ASXL2: variants seen among roughly 807,000 people sequenced by gnomAD.
ASXL2 encodes the protein putative Polycomb group protein ASXL2.
A neutral mutation model predicts 122.0 loss-of-function variants in ASXL2; 23 were observed. That is an observed-to-expected ratio of 0.19 (90% CI 0.14 to 0.27). The LOEUF is 0.27. Among genes scored for constraint, ASXL2 ranks in the 10% least tolerant of loss-of-function variants. The probability of loss-of-function intolerance (pLI) is 1.00; values close to 1 mark genes in which losing one functional copy is unlikely to be tolerated. For synonymous variants in ASXL2, 650 were observed against 637.0 expected, an observed-to-expected ratio of 1.02 and a Z score of -0.31; for missense variants, 1,518 against 1,713.8, an observed-to-expected ratio of 0.89 and a Z score of 2.02.
chr2:25,759,431 A>G, intron 9 of ASXL2, 51 bp downstream of exon 9: 1 of 1,554,074 alleles, frequency 6.4e-7, no homozygotes, highest in Non-Finnish European at 8.8e-7. Flanking sequence ...ACCACTTTAC[A>G]AGTATACATA....
At chr2:25,873,857 T>C (rs1358548984) in intron 1 of ASXL2, among the ~76,000 whole-genome samples, 1 of 152,106 alleles carries the variant, frequency 6.6e-6, no homozygotes, top group Non-Finnish European at 1.5e-5. Flanking sequence ...CACACACTTG[T>C]CCTTTTGGGA....
In ASXL2 at chr2:25,835,770, TAAACTACTTCAGA is replaced by T. The variant is rs144875368; in HGVS notation, c.141-243_141-231del. Among the ~76,000 whole-genome samples the T allele has an allele frequency of 2.0e-4, 30 of 152,328 alleles. 1 individual carries two copies. The East Asian group carries it at 5.8e-3, about 29-fold the overall frequency. On this transcript the variant is annotated intron_variant, in intron 2 of 12. Transcript: ENST00000435504. ...GATAAACAAATTTAGCTAAACAGTC[TAAACTACTTCAGA>T]AAACAGTTGCAGTAATTTGATTATG...
intron 3 of ASXL2, among the ~76,000 whole-genome samples, chr2:25,808,019 ACACT>A (rs1243645774): frequency 3.1e-4 from 47 of 149,588 alleles, no homozygotes; most frequent in Non-Finnish European, 4.9e-4. Context: ...ACACACACAC[ACACT>A]CTCCACCCCA....
chr2:25,838,113 A>G (rs1021006494), intron 2 of ASXL2, among the ~76,000 whole-genome samples: 6 of 152,306 alleles, frequency 3.9e-5, no homozygotes, highest in African/African-American at 1.4e-4. Context: ...AGAAAGAAAA[A>G]GAAAGAAGTT....
chr2:25,787,502 T>C (rs974964665), intron 5 of ASXL2, among the ~76,000 whole-genome samples: 25 of 152,344 alleles, frequency 1.6e-4, no homozygotes, highest in African/African-American at 5.3e-4. Context: ...TCTTGTTTCT[T>C]CTGTTAAAAT....
At position 25,743,968 on chromosome 2, in the gene ASXL2, G is replaced by C; in HGVS notation, c.2369C>G (p.Thr790Arg). Residue 790 changes from threonine to arginine, a missense_variant, in exon 13 of 13, where the codon ACA (threonine) becomes AGA (arginine). Around this residue, in one of 8 missense-constraint regions of ASXL2, gnomAD observed 831 missense variants for 833.1 expected, o/e 1.00. Transcript: ENST00000435504. ...TATGTGGGCTGGTGATGGGACACTT[G>C]TGCATGCTCCACTGACGGCAGGTGT... is the stretch of plus-strand genomic sequence containing the variant. Reference protein sequence around the residue: ...PPTPAVSGACTSVPSPAHIEK... With the variant: ...PPTPAVSGACRSVPSPAHIEK... 1 of 1,614,006 alleles carries C rather than the reference G, an allele frequency of 6.2e-7. No individual in the cohort carries two copies. The highest frequency in any genetic ancestry group is 8.5e-7 in the Non-Finnish European group (1 of 1,179,892).
intron 2 of ASXL2, among the ~76,000 whole-genome samples, chr2:25,844,951 A>G (rs1409859126): frequency 6.6e-6 from 1 of 152,148 alleles, no homozygotes; most frequent in East Asian, 1.9e-4. Flanking sequence ...ATTGTAATAT[A>G]ATAAGGTTCT....
chr2:25,806,202 T>G (rs758909732), intron 4 of ASXL2, 27 bp downstream of exon 4: 6 of 1,476,876 alleles, frequency 4.1e-6, no homozygotes, highest in Non-Finnish European at 5.6e-6. Context: ...TTTTTCTTTC[T>G]AAATGACTCC....
At chr2:25,747,761 A>G (rs1398988475) in intron 12 of ASXL2, among the ~76,000 whole-genome samples, 2 of 152,200 alleles carry the variant, frequency 1.3e-5, no homozygotes, top group African/African-American at 4.8e-5. Flanking sequence ...AAGAAAGAAT[A>G]GTAAAAGTGA....
chr2:25,776,406 G>A (rs963979515), intron 5 of ASXL2, among the ~76,000 whole-genome samples: 4 of 152,150 alleles, frequency 2.6e-5, no homozygotes, highest in African/African-American at 9.7e-5. Flanking sequence ...CTATAGATCA[G>A]CTGATGAACA....
chr2:25,840,733 T>G (rs986572449), intron 2 of ASXL2, among the ~76,000 whole-genome samples: 3 of 152,246 alleles, frequency 2.0e-5, no homozygotes, highest in Non-Finnish European at 4.4e-5. Flanking sequence ...TATTCCATTG[T>G]ATGCATATAC....
rs770336861 is a variant in ASXL2, at chr2:25,744,499, A to C, written c.1861-23T>G. On this transcript the variant is annotated intron_variant, in intron 12 of 12. Coordinates refer to ENST00000435504, the MANE Select transcript of ASXL2 (RefSeq NM_018263.6). The surrounding 1 kb of genome is among the most constrained non-coding windows in gnomAD (Gnocchi z 4.7). ...GATCTGAAAGAAGTAGAGGGGAAAA[A>C]AACAACAGAGCTTAGTTTTCATTTG... 1 of 1,565,338 alleles carries C rather than the reference A, an allele frequency of 6.4e-7. No homozygotes were observed. The highest frequency in any genetic ancestry group is 8.6e-7 in the Non-Finnish European group (1 of 1,166,010).
At position 25,734,235 on chromosome 2, in the gene ASXL2, T is replaced by C. The variant is rs920125295; in HGVS notation, c.*7794A>G. 4 of 152,166 alleles carry C rather than the reference T, an allele frequency of 2.6e-5. No individual in the cohort carries two copies. The highest frequency in any genetic ancestry group is 9.6e-5 in the African/African-American group (4 of 41,456). The allele number at this position is 152,166 out of a possible 1,614,324, so 9.4% of individuals were successfully genotyped here. A position where few individuals can be genotyped will look rare whatever the true frequency, so the allele number is the denominator to read the frequency against. On this transcript the variant is annotated 3_prime_UTR_variant, in exon 13 of 13. Transcript: ENST00000435504. ...TTTATTATTAGAGAATAAATTAAGA[T>C]GTTTGTCCCAACCTAGAATCTGTCT...
chr2:25,826,933 C>T (rs2089385439), intron 3 of ASXL2, among the ~76,000 whole-genome samples: 1 of 151,788 alleles, frequency 6.6e-6, no homozygotes, highest in African/African-American at 2.4e-5. Flanking sequence ...CTCAAATGCT[C>T]CTTCCTCCTC....
chr2:25,756,559 G>A (rs2088139698), intron 9 of ASXL2, among the ~76,000 whole-genome samples: 1 of 151,462 alleles, frequency 6.6e-6, no homozygotes. Flanking sequence ...TTAAGAAAAT[G>A]ATTTGGACAT....
At chr2:25,831,183 C>T (rs1250841840) in intron 3 of ASXL2, among the ~76,000 whole-genome samples, 1 of 151,948 alleles carries the variant, frequency 6.6e-6, no homozygotes, top group African/African-American at 2.4e-5. Context: ...GTGGCACACA[C>T]CTGTAATCCC....
chr2:25,860,901 A>T lies in ASXL2; in HGVS notation c.58-15338T>A, dbSNP rs560064148. ...GTGGTGCATGCTTGTAGTCCCAGCT[A>T]CTTGGGAGGCTGAGGTGGGAGGATT... On this transcript the variant is annotated intron_variant, in intron 1 of 12. Transcript: ENST00000435504. Among the ~76,000 whole-genome samples, 69 of 151,774 alleles carry T rather than the reference A, an allele frequency of 4.5e-4. No individual in the cohort carries two copies. The South Asian group carries it at 5.8e-3, about 13-fold the overall frequency.
chr2:25,756,465 GA>G (rs71399321), intron 9 of ASXL2, among the ~76,000 whole-genome samples: 34,438 of 91,288 alleles, frequency 0.38, 4,474 homozygotes, highest in Non-Finnish European at 0.4. Context: ...AAAAAAAAAA[GA>G]AAAAAAAAAG....
At chr2:25,827,904 T>C (rs1224256875) in intron 3 of ASXL2, among the ~76,000 whole-genome samples, 6 of 152,112 alleles carry the variant, frequency 3.9e-5, no homozygotes, top group Admixed American at 3.3e-4. Context: ...TTTTTTGTTG[T>C]TGTTTGCTTT....
Sources: gnomAD v4.1 joint callset for allele counts (sites outside exome capture counted in the v4.1 genomes callset) on GRCh38, gnomAD v4.1.1 for gene constraint, gnomAD v4.1.1 regional missense constraint, Gnocchi (gnomAD v3.1) non-coding constraint, MANE v1.5 for transcripts, NCBI Gene and HGNC (gene_info 2026-07-23, HGNC 2026-07-21) for gene names.